IL34: variants seen among roughly 807,000 people sequenced by gnomAD.
IL34 encodes the protein interleukin-34.
A neutral mutation model predicts 25.3 loss-of-function variants in IL34; 17 were observed. The observed-to-expected ratio is 0.67, with a 90% CI of 0.46 to 1.01. The LOEUF (loss-of-function observed/expected upper bound fraction) is 1.01. IL34 is among the 50% of genes least tolerant of loss of function. IL34 has a pLI of 0.00. For synonymous variants in IL34, 174 were observed against 140.9 expected (o/e 1.23, Z -1.66); for missense variants, 368 against 312.9 (o/e 1.18, Z -1.33).
At chr16:70,611,055 T>C (rs2051083622) in intron 1 of IL34, among the ~76,000 whole-genome samples, 1 of 152,186 alleles carries the variant, frequency 6.6e-6, no homozygotes, top group African/African-American at 2.4e-5. Context: ...CTCAGCTCAC[T>C]GCAACCTCCA....
chr16:70,595,158 G>C (rs1338380340), intron 1 of IL34, among the ~76,000 whole-genome samples: 1 of 151,894 alleles, frequency 6.6e-6, no homozygotes, highest in African/African-American at 2.4e-5. Flanking sequence ...ATGGGGTTTT[G>C]CCATGTTGGC....
At chr16:70,653,703 A>G (rs1267292591) in intron 1 of IL34, among the ~76,000 whole-genome samples, 1 of 152,152 alleles carries the variant, frequency 6.6e-6, no homozygotes, top group Non-Finnish European at 1.5e-5. Flanking sequence ...AAGAAAAATT[A>G]TATCTGATTG....
intron 1 of IL34, among the ~76,000 whole-genome samples, chr16:70,641,540 C>T: frequency 7.3e-6 from 1 of 136,540 alleles, no homozygotes; most frequent in Non-Finnish European, 1.5e-5. Context: ...TCCCTCCCTT[C>T]CTTCCTTCCT....
chr16:70,659,093 G>A (rs2052310262), intron 4 of IL34, among the ~76,000 whole-genome samples: 1 of 152,002 alleles, frequency 6.6e-6, no homozygotes, highest in South Asian at 2.1e-4. Context: ...TCCTGTTCAG[G>A]GACTTGATTC....
At chr16:70,599,983 CT>C (rs1158824057) in intron 1 of IL34, among the ~76,000 whole-genome samples, 1 of 152,058 alleles carries the variant, frequency 6.6e-6, no homozygotes, top group East Asian at 1.9e-4. Flanking sequence ...CCTGACCCTG[CT>C]TGGCTTCCAA....
chr16:70,611,378 T>A (rs1345701617), intron 1 of IL34, among the ~76,000 whole-genome samples: 1 of 152,102 alleles, frequency 6.6e-6, no homozygotes, highest in Non-Finnish European at 1.5e-5. Context: ...GCCACCTTGC[T>A]GGAGATACCT....
At chr16:70,639,909 G>T (rs1222588658) in intron 1 of IL34, among the ~76,000 whole-genome samples, 2 of 151,884 alleles carry the variant, frequency 1.3e-5, no homozygotes, top group Non-Finnish European at 2.9e-5. Flanking sequence ...AGTGACCTGT[G>T]ATTACGCCTC....
At chr16:70,610,388 C>T (rs1597745495) in intron 1 of IL34, among the ~76,000 whole-genome samples, 1 of 152,132 alleles carries the variant, frequency 6.6e-6, no homozygotes, top group Non-Finnish European at 1.5e-5. Context: ...CCCAGTTCTC[C>T]TTCTCTGCTG....
At chr16:70,616,971 G>A (rs112177036) in intron 1 of IL34, among the ~76,000 whole-genome samples, 12,350 of 151,944 alleles carry the variant, frequency 0.081, 1,455 homozygotes, top group African/African-American at 0.26. Context: ...GTCCTGGGGC[G>A]GCGAAAATTT....
At chr16:70,615,200 A>G (rs1162027268) in intron 1 of IL34, among the ~76,000 whole-genome samples, 1 of 152,190 alleles carries the variant, frequency 6.6e-6, no homozygotes, top group African/African-American at 2.4e-5. Flanking sequence ...ATTTGGGTTA[A>G]CAAACATCTT....
chr16:70,584,033 C>T (rs1443090665), intron 1 of IL34, among the ~76,000 whole-genome samples: 1 of 152,200 alleles, frequency 6.6e-6, no homozygotes, highest in Non-Finnish European at 1.5e-5. Context: ...CCTTCCCCTG[C>T]CCCCAAGGCA....
intron 1 of IL34, among the ~76,000 whole-genome samples, chr16:70,636,904 G>A (rs2051664755): frequency 6.6e-6 from 1 of 151,482 alleles, no homozygotes; most frequent in Admixed American, 6.6e-5. Context: ...TTTTGAGACG[G>A]GGTTTCGTTC....
intron 1 of IL34, among the ~76,000 whole-genome samples, chr16:70,653,102 A>AGGCTGAG (rs1298356598): frequency 6.6e-6 from 1 of 152,152 alleles, no homozygotes; most frequent in African/African-American, 2.4e-5. Flanking sequence ...GCTACTTGGG[A>AGGCTGAG]GGCTGAGGCC....
At chr16:70,656,526 ACAT>A (rs1460583542) in intron 2 of IL34, 73 bp from the exon 3 acceptor site, 3 of 844,816 alleles carry the variant, frequency 3.6e-6, no homozygotes, top group Non-Finnish European at 4.2e-6. Flanking sequence ...GTTAAAAAAA[ACAT>A]CATTTGGGAG....
chr16:70,602,947 C>T (rs143958283), intron 1 of IL34, among the ~76,000 whole-genome samples: 3 of 152,178 alleles, frequency 2.0e-5, no homozygotes, highest in Admixed American at 6.5e-5. Flanking sequence ...CCATGTTTCA[C>T]GGCCCCCAAA....
intron 1 of IL34, among the ~76,000 whole-genome samples, chr16:70,598,332 C>T (rs1263670316): frequency 6.6e-6 from 1 of 152,166 alleles, no homozygotes; most frequent in African/African-American, 2.4e-5. Context: ...CTAGCTTTTG[C>T]CTCCAGTTCA....
rs529325534 is a variant in IL34, at chr16:70,652,153, A to G, written c.29-2385A>G. ...AAAAAAAAAATAAATAAAAATAAAAATAAATGTCCTGCAAGGCCAAGGCCA... is the reference window on the plus strand; with the variant it reads ...AAAAAAAAAATAAATAAAAATAAAAGTAAATGTCCTGCAAGGCCAAGGCCA... On this transcript the variant is annotated intron_variant, in intron 1 of 5. Coordinates refer to ENST00000288098, the MANE Select transcript of IL34 (RefSeq NM_001393494.1). 6.6e-5 allele frequency among the ~76,000 whole-genome samples: 10 copies of G among 151,782 alleles called. No homozygotes were observed. The South Asian group carries it at 2.1e-3, about 32-fold the overall frequency.
intron 1 of IL34, among the ~76,000 whole-genome samples, chr16:70,603,230 T>C (rs1488928968): frequency 2.6e-5 from 4 of 152,190 alleles, no homozygotes; most frequent in Admixed American, 2.6e-4. Context: ...CTATAAAACA[T>C]GTTCAAATTT....
upstream of IL34, among the ~76,000 whole-genome samples, chr16:70,644,960 AGGAAGG>A (rs1317652990): frequency 8.7e-6 from 1 of 114,712 alleles, no homozygotes; most frequent in East Asian, 2.6e-4. Context: ...GAAGAGGAGG[AGGAAGG>A]AGGAAGAGAA....
Sources: gnomAD v4.1 joint callset for allele counts (sites outside exome capture counted in the v4.1 genomes callset) on GRCh38, gnomAD v4.1.1 for gene constraint, MANE v1.5 for transcripts, NCBI Gene and HGNC (gene_info 2026-07-23, HGNC 2026-07-21) for gene names.